Variants in ZNF536 observed in about 807,000 individuals in gnomAD.
ZNF536 encodes the protein zinc finger protein 536.
A neutral mutation model predicts 84.5 loss-of-function variants in ZNF536; 13 were observed. The ratio of observed to expected loss-of-function variants is 0.15; its 90% CI spans 0.10 to 0.24. ZNF536 has a LOEUF of 0.24. Ranked by LOEUF, ZNF536 falls within the 10% of genes least tolerant of loss-of-function variation. The pLI, the probability that ZNF536 is intolerant of heterozygous loss-of-function variation, is 1.00. For missense variants in ZNF536, 1,536 were observed against 1,747.5 expected, an observed-to-expected ratio of 0.88 and a Z score of 2.16; for synonymous variants, 811 against 742.5, an observed-to-expected ratio of 1.09 and a Z score of -1.50.
In ZNF536 at chr19:30,346,572, A is replaced by G. The variant is rs547132400; in HGVS notation, c.-119-5796A>G. Among the ~76,000 whole-genome samples the G allele has an allele frequency of 5.9e-5, 9 of 152,258 alleles. No homozygotes were observed. The East Asian group carries it at 1.7e-3, about 29-fold the overall frequency. On this transcript the variant is annotated intron_variant, in intron 2 of 5. Transcript: ENST00000585628. ...TGTTCTCATCATTTAGTTCCCACTTATAAGTGAGTGAGAACATGCAGTATT... is the reference window on the plus strand; with the variant it reads ...TGTTCTCATCATTTAGTTCCCACTTGTAAGTGAGTGAGAACATGCAGTATT...
At chr19:30,696,792 C>G (rs1257879092) in intron 1 of ZNF536, among the ~76,000 whole-genome samples, 1 of 152,148 alleles carries the variant, frequency 6.6e-6, no homozygotes, top group Non-Finnish European at 1.5e-5. Context: ...CACCACCAGC[C>G]AGAGGCTCCT....
chr19:30,670,085 A>G (rs2050485891), intron 1 of ZNF536, among the ~76,000 whole-genome samples: 1 of 152,170 alleles, frequency 6.6e-6, no homozygotes, highest in African/African-American at 2.4e-5. Context: ...CGGGCTTCTT[A>G]GCCTCTGGCG....
intron 1 of ZNF536, among the ~76,000 whole-genome samples, chr19:30,661,498 T>TG (rs1395441526): frequency 1.3e-5 from 2 of 152,116 alleles, no homozygotes; most frequent in Non-Finnish European, 2.9e-5. Context: ...TGCAAGCTTT[T>TG]GGGGGGGCCA....
intron 1 of ZNF536, among the ~76,000 whole-genome samples, chr19:30,267,906 A>AAG (rs142303546): frequency 2.2e-4 from 33 of 151,604 alleles, no homozygotes; most frequent in South Asian, 8.4e-4. Context: ...CACACACAGA[A>AAG]AGAGAGAGAG....
chr19:30,682,186 AG>A (rs1026331062), intron 1 of ZNF536, among the ~76,000 whole-genome samples: 3 of 152,100 alleles, frequency 2.0e-5, no homozygotes, highest in Non-Finnish European at 4.4e-5. Context: ...CAGCCAGGCA[AG>A]GGGATGAAAT....
At chr19:30,297,897 A>C (rs2145889224) in intron 2 of ZNF536, among the ~76,000 whole-genome samples, 1 of 130,050 alleles carries the variant, frequency 7.7e-6, no homozygotes, top group African/African-American at 3.3e-5. Flanking sequence ...TTTTCTCAAG[A>C]CGGAGTCCCC....
At chr19:30,395,903 T>C (rs1320918290) in intron 1 of ZNF536, among the ~76,000 whole-genome samples, 1 of 152,166 alleles carries the variant, frequency 6.6e-6, no homozygotes, top group East Asian at 1.9e-4. Context: ...CAAAGGCTCA[T>C]CCCCACAATT....
intron 2 of ZNF536, among the ~76,000 whole-genome samples, chr19:30,284,809 C>T (rs1436022521): frequency 1.3e-5 from 2 of 152,256 alleles, no homozygotes; most frequent in African/African-American, 2.4e-5. Context: ...ACTACATAAA[C>T]CAGGGAAATT....
chr19:30,249,869 C>T (rs1312611337), intron 1 of ZNF536, among the ~76,000 whole-genome samples: 2 of 152,184 alleles, frequency 1.3e-5, no homozygotes, highest in Non-Finnish European at 2.9e-5. Context: ...GAGATAGCTG[C>T]AAACCTAGTT....
chr19:30,545,407 T>C (rs1324898070), intron 3 of ZNF536, among the ~76,000 whole-genome samples: 1 of 137,346 alleles, frequency 7.3e-6, no homozygotes, highest in Non-Finnish European at 1.6e-5. Context: ...TTTTTTTTTT[T>C]TTTTTTTTGA....
intron 2 of ZNF536, among the ~76,000 whole-genome samples, chr19:30,492,158 C>G (rs1274235332): frequency 6.6e-6 from 1 of 152,172 alleles, no homozygotes; most frequent in Non-Finnish European, 1.5e-5. Flanking sequence ...AGAAAGTGCT[C>G]TCTGTGCCTT....
intron 2 of ZNF536, among the ~76,000 whole-genome samples, chr19:30,498,664 G>A (rs1226648751): frequency 6.6e-6 from 1 of 152,134 alleles, no homozygotes; most frequent in Non-Finnish European, 1.5e-5. Flanking sequence ...AAATATAACT[G>A]CTGAAGACAG....
At chr19:30,304,615 C>T (rs1321179021) in intron 2 of ZNF536, among the ~76,000 whole-genome samples, 6 of 152,170 alleles carry the variant, frequency 3.9e-5, no homozygotes, top group Non-Finnish European at 7.3e-5. Context: ...TGACCCAGAG[C>T]CGGCTGCTCT....
intron 2 of ZNF536, among the ~76,000 whole-genome samples, chr19:30,465,539 G>A (rs570707018): frequency 2.0e-5 from 3 of 152,208 alleles, no homozygotes; most frequent in South Asian, 2.1e-4. Context: ...CAGCACCCAC[G>A]GCAGTGCCTG....
In ZNF536 at chr19:30,548,799, C is replaced by T. The variant is rs2146218829; in HGVS notation, c.3180C>T (p.Asn1060=). ...KMALLPSLQS[N]KDLGLSNMIS... is the part of the protein sequence containing the mutation. Reference sequence around the variant, plus strand: ...CCCTGCTGCCCTCGTTACAATCAAACAAAGACCTGGGCCTCTCCAATATGA... The same window carrying T: ...CCCTGCTGCCCTCGTTACAATCAAATAAAGACCTGGGCCTCTCCAATATGA... The change falls in exon 4 of 5, where the codon AAC becomes AAT. Residue 1060 remains asparagine (N), a synonymous_variant. Coordinates refer to ENST00000355537, the MANE Select transcript of ZNF536 (RefSeq NM_014717.3). 6.2e-7 allele frequency: 1 copy of T among 1,613,954 alleles called. No homozygotes were observed. Among genetic ancestry groups the T allele is most frequent in the Non-Finnish European group, 8.5e-7 (1 of 1,180,002 alleles).
In ZNF536 at chr19:30,548,692, C is replaced by T. The variant is rs1423385110; in HGVS notation, c.3073C>T (p.Leu1025=). 6.2e-7 allele frequency: 1 copy of T among 1,613,930 alleles called. No homozygotes were observed. The highest frequency in any genetic ancestry group is 8.5e-7 in the Non-Finnish European group (1 of 1,180,040). Residue 1025 remains leucine (L), a synonymous_variant, in exon 4 of 5, where the codon CTG becomes TTG. Transcript: ENST00000355537. ...GGCCCTTCATCTCCAGGCCAACCAC[C>T]TGGGCAAAGCGAAACGCAAAGATAA... is the stretch of plus-strand genomic sequence containing the variant. ...LMALHLQANH[L]GKAKRKDNTI...
At position 30,312,687 on chromosome 19, in the gene ZNF536, C is replaced by G. The variant is rs186002554; in HGVS notation, c.-120+28546C>G. Among the ~76,000 whole-genome samples, 3 of 152,354 alleles carry G rather than the reference C, an allele frequency of 2.0e-5. No homozygotes were observed. The East Asian group carries it at 5.8e-4, about 29-fold the overall frequency. ...TCTGAAGGAGGGTGTGGACCACCCC[C>G]ACTGCTCATGGTCAGAGTGGCTCCC... On this transcript the variant is annotated intron_variant, in intron 2 of 5. Coordinates refer to the ZNF536 transcript ENST00000585628.
intron 1 of ZNF536, among the ~76,000 whole-genome samples, chr19:30,374,780 G>A (rs1327756851): frequency 1.3e-5 from 2 of 151,970 alleles, no homozygotes; most frequent in South Asian, 2.1e-4. Flanking sequence ...GGGAGGCCGG[G>A]GGAGCTGCGA....
In ZNF536 at chr19:30,384,156, C is replaced by T. The variant is rs1215123449; in HGVS notation, c.-3+11600C>T. On this transcript the variant is annotated intron_variant, in intron 1 of 4. Coordinates refer to ENST00000355537, the MANE Select transcript of ZNF536 (RefSeq NM_014717.3). ...TCTTTCTTTCTTTCTTTCTTTCTTT[C>T]TTTCTTTCGTTTCCTTCTTTCTTTC... 8.1e-5 allele frequency among the ~76,000 whole-genome samples: 7 copies of T among 86,106 alleles called. No homozygotes were observed. In the Admixed American group the frequency reaches 8.5e-4, roughly 10 times the overall value. The allele number at this position is 86,106 out of a possible 152,430, so 56.5% of individuals were successfully genotyped here.
Sources: allele counts gnomAD v4.1 joint callset (sites outside exome capture counted in the v4.1 genomes callset), GRCh38; gene constraint gnomAD v4.1.1; transcripts MANE v1.5; gene names NCBI Gene and HGNC (gene_info 2026-07-23, HGNC 2026-07-21).